Variants in SPATA31C1 observed in about 807,000 individuals in gnomAD.
SPATA31C1 encodes SPATA31 subfamily C member 1.
intron 1 of SPATA31C1, among the ~76,000 whole-genome samples, chr9:87,915,455 C>A (rs1339897221): frequency 6.9e-6 from 1 of 145,204 alleles, no homozygotes; most frequent in East Asian, 2.1e-4. Flanking sequence ...AGGCGCCCGC[C>A]ACCACGCCTG....
exon 5 of SPATA31C1, chr9:87,922,031 G>A (rs1335388564): frequency 2.5e-6 from 4 of 1,613,780 alleles, no homozygotes; most frequent in Non-Finnish European, 3.4e-6. Context: ...CAAAAGTTGA[G>A]GTGGCCACGC....
chr9:87,920,928 C>G, exon 5 of SPATA31C1: 1 of 1,613,238 alleles, frequency 6.2e-7, no homozygotes, highest in Non-Finnish European at 8.5e-7. Context: ...TGAGTCCCAA[C>G]CCTTTATTTC....
At chr9:87,923,300 C>T (rs1828931320) in exon 5 of SPATA31C1, 3 of 1,603,556 alleles carry the variant, frequency 1.9e-6, no homozygotes, top group African/African-American at 2.7e-5. Context: ...AGAGTCGTCC[C>T]AACAGAGACA....
At chr9:87,920,070 A>C (rs1828810864) in intron 4 of SPATA31C1, 94 bp downstream of exon 3, 1 of 1,608,358 alleles carries the variant, frequency 6.2e-7, no homozygotes, top group Non-Finnish European at 8.5e-7. Context: ...GGATGGGGAG[A>C]CCAGGGGGAC....
intron 2 of SPATA31C1, 123 bp from the exon 2 acceptor site, chr9:87,919,132 G>A (rs762543902): frequency 2.0e-5 from 28 of 1,435,068 alleles, no homozygotes; most frequent in Non-Finnish European, 2.7e-5. Context: ...TGGGAGGGGA[G>A]AAAGCACACA....
intron 1 of SPATA31C1, among the ~76,000 whole-genome samples, chr9:87,916,061 C>T (rs371334213): frequency 7.0e-6 from 1 of 143,148 alleles, no homozygotes; most frequent in African/African-American, 2.5e-5. Context: ...TTTATAGCCA[C>T]AGAGCAGGGT....
exon 5 of SPATA31C1, chr9:87,921,203 C>A: frequency 6.2e-7 from 1 of 1,611,934 alleles, no homozygotes; most frequent in Non-Finnish European, 8.5e-7. Flanking sequence ...TTAGTGTCTC[C>A]ACTCCTAACC....
At chr9:87,922,932 C>A in exon 5 of SPATA31C1, 4 of 1,601,406 alleles carry the variant, frequency 2.5e-6, no homozygotes, top group Non-Finnish European at 3.4e-6. Flanking sequence ...AAAGAAACAG[C>A]CTCCTTCAAT....
rs200780394 is a variant in SPATA31C1 at position 87,921,889 on chromosome 9, C to T, written n.2279C>T. 1,141 of 1,612,038 alleles carry T rather than the reference C, an allele frequency of 7.1e-4. 17 individuals carry two copies. The South Asian group carries it at 0.012, about 17-fold the overall frequency. On this transcript the variant is annotated non_coding_transcript_exon_variant, in exon 5 of 5. Transcript: ENST00000420021. ...GAAGCCCATATTGTGAGGTTTTGGG[C>T]CAAACACAGGTGGGGTCTACCCCTC...
chr9:87,922,677 C>T (rs931049998), exon 5 of SPATA31C1: 2 of 1,607,974 alleles, frequency 1.2e-6, no homozygotes, highest in East Asian at 2.2e-5. Context: ...TTCCCAGGAG[C>T]TATGTGACCT....
At chr9:87,920,945 A>T in exon 5 of SPATA31C1, 1 of 1,612,410 alleles carries the variant, frequency 6.2e-7, no homozygotes, top group Non-Finnish European at 8.5e-7. Context: ...TTTCATCCAC[A>T]CCCCAATTCC....
chr9:87,923,218 A>T (rs757469374), exon 5 of SPATA31C1: 3 of 1,603,274 alleles, frequency 1.9e-6, no homozygotes, highest in South Asian at 2.2e-5. Flanking sequence ...AACCACAGAC[A>T]CCCGTTCTAC....
chr9:87,920,350 G>C (rs762651593), exon 5 of SPATA31C1: 10 of 1,613,796 alleles, frequency 6.2e-6, no homozygotes, highest in Non-Finnish European at 8.5e-6. Context: ...GGAGCCTCCC[G>C]GTCCTCTCAT....
rs551226940 is a variant in SPATA31C1, at chr9:87,921,750, G to A, written n.2140G>A. 429 of 1,612,034 alleles carry A rather than the reference G, an allele frequency of 2.7e-4. 1 individual carries two copies. Among genetic ancestry groups the A allele is most frequent in the South Asian group, 6.5e-4 (59 of 90,986 alleles). ...GCTTGCTGTCAACCAGGCTTTTCCC[G>A]TATCCAACACCCACGTGAAAACCAG... is the stretch of plus-strand genomic sequence containing the variant. On this transcript the variant is annotated non_coding_transcript_exon_variant, in exon 5 of 5. Transcript: ENST00000420021.
rs144239244 is a variant in SPATA31C1, at chr9:87,919,122, T to C, written n.523-169T>C. ...AGTTTATCATCCATTTAAACATGAG[T>C]GGGAGGGGAGAAAGCACACAGAGCT... On this transcript the variant is annotated intron_variant and non_coding_transcript_variant, in intron 2 of 4. Transcript: ENST00000420021. 1.0e-3 allele frequency: 1,417 copies of C among 1,351,032 alleles called. 6 individuals carry two copies. The African/African-American group carries it at 0.019, about 18-fold the overall frequency. The allele number at this position is 1,351,032 out of a possible 1,614,324, so 83.7% of individuals were successfully genotyped here.
rs191762726 is a variant in SPATA31C1, at chr9:87,919,034, T to G, written n.523-257T>G. On this transcript the variant is annotated intron_variant and non_coding_transcript_variant, in intron 2 of 4. Transcript: ENST00000420021. Reference sequence around the variant, plus strand: ...ATCCACCTGCCTCGGCCTCCCAAAGTGCTTGGATTATAGGCGTGAGCCACC... The same window carrying G: ...ATCCACCTGCCTCGGCCTCCCAAAGGGCTTGGATTATAGGCGTGAGCCACC... 1.4e-3 allele frequency: 860 copies of G among 631,680 alleles called. 3 individuals are homozygous for G. In the African/African-American group the frequency reaches 0.014, roughly 11 times the overall value. 39.1% of individuals were successfully genotyped at this position (631,680 alleles called of 1,614,324 possible).
At chr9:87,919,425 T>C (rs1235955504) in intron 3 of SPATA31C1, 77 bp downstream of exon 2, 24 of 1,575,222 alleles carry the variant, frequency 1.5e-5, no homozygotes, top group South Asian at 3.4e-5. Context: ...AAGAAGTCAG[T>C]TGAAAAAACC....
At chr9:87,921,298 G>A (rs1828858674) in exon 5 of SPATA31C1, 1 of 1,611,850 alleles carries the variant, frequency 6.2e-7, no homozygotes, top group African/African-American at 1.3e-5. Context: ...CAATACATGG[G>A]GCAACGTGGA....
exon 5 of SPATA31C1, chr9:87,921,539 G>T: frequency 6.2e-7 from 1 of 1,612,012 alleles, no homozygotes; most frequent in South Asian, 1.1e-5. Flanking sequence ...TCCCAGGGAA[G>T]GTTCTGGGGG....
Sources: gnomAD v4.1 joint callset for allele counts (sites outside exome capture counted in the v4.1 genomes callset) on GRCh38, gnomAD v4.1.1 for gene constraint, MANE v1.5 for transcripts, NCBI Gene and HGNC (gene_info 2026-07-23, HGNC 2026-07-21) for gene names.